Variants in ADAMTS6 observed in about 807,000 individuals in gnomAD.
The protein encoded by ADAMTS6 is ADAM metallopeptidase with thrombospondin type 1 motif 6.
ADAMTS6 carries 23 observed loss-of-function variants against 144.3 expected under a neutral mutation model. The ratio of observed to expected loss-of-function variants is 0.16; its 90% CI spans 0.11 to 0.23. The LOEUF is 0.23. ADAMTS6 is among the 10% of genes least tolerant of loss of function. ADAMTS6 has a pLI of 1.00. For missense variants in ADAMTS6, 999 were observed against 1,379.6 expected (o/e 0.72, Z 4.37); for synonymous variants, 444 against 457.5 (o/e 0.97, Z 0.38).
chr5:65,246,592 A>G (rs1449048032), intron 14 of ADAMTS6, among the ~76,000 whole-genome samples: 5 of 152,138 alleles, frequency 3.3e-5, no homozygotes, highest in Non-Finnish European at 1.5e-5. Flanking sequence ...ATTCAAGTGG[A>G]GAGTGAAAAG....
At chr5:65,406,833 G>A (rs1754555873) in intron 7 of ADAMTS6, among the ~76,000 whole-genome samples, 1 of 151,674 alleles carries the variant, frequency 6.6e-6, no homozygotes, top group African/African-American at 2.4e-5. Context: ...CTAGTTTATT[G>A]AGAGTTTTTA....
chr5:65,291,847 A>T (rs914952937), intron 10 of ADAMTS6, among the ~76,000 whole-genome samples: 4 of 149,842 alleles, frequency 2.7e-5, no homozygotes, highest in African/African-American at 4.9e-5. Flanking sequence ...GCAGAAAATT[A>T]AAAAAAAAAT....
Position 65,215,500 on chromosome 5 carries a change from T to A in ADAMTS6, c.2273-13A>T. 1 of 1,596,060 alleles carries A rather than the reference T, an allele frequency of 6.3e-7. No homozygotes were observed. Among genetic ancestry groups the A allele is most frequent in the Non-Finnish European group, 8.5e-7 (1 of 1,172,730 alleles). On this transcript the variant is annotated splice_polypyrimidine_tract_variant and intron_variant, in intron 18 of 24. Coordinates refer to ENST00000381055, the MANE Select transcript of ADAMTS6 (RefSeq NM_197941.4). ...TCAGATTTTAAAGCTAGAAAACAAA[T>A]CACAATTCACCTAAAAATGTGAAAT...
At chr5:65,358,682 T>C (rs1389778051) in intron 7 of ADAMTS6, among the ~76,000 whole-genome samples, 1 of 152,062 alleles carries the variant, frequency 6.6e-6, no homozygotes, top group Non-Finnish European at 1.5e-5. Flanking sequence ...AACAGATACA[T>C]AGCCCAAGGG....
intron 7 of ADAMTS6, among the ~76,000 whole-genome samples, chr5:65,441,170 G>C (rs1757830893): frequency 6.6e-6 from 1 of 151,956 alleles, no homozygotes; most frequent in African/African-American, 2.4e-5. Flanking sequence ...TAAACCACTA[G>C]AGATGAAAAA....
chr5:65,251,891 G>C (rs891355277), intron 14 of ADAMTS6: 6 of 152,146 alleles, frequency 3.9e-5, no homozygotes, highest in Admixed American at 6.5e-5. Flanking sequence ...AGAGGGATAG[G>C]AGTTAATGGC....
intron 9 of ADAMTS6, among the ~76,000 whole-genome samples, chr5:65,304,448 AGGGGGCCAGGGTCTGGCTCTGTCACC>A (rs1743735865): frequency 6.6e-6 from 1 of 152,130 alleles, no homozygotes; most frequent in Non-Finnish European, 1.5e-5. Context: ...TTTTGGTGCA[AGGGGGCCAGGGTCTGGCTCTGTCACC>A]AAGGCTGGAG....
intron 7 of ADAMTS6, among the ~76,000 whole-genome samples, chr5:65,394,290 C>T (rs1485478775): frequency 2.6e-5 from 4 of 152,146 alleles, no homozygotes; most frequent in South Asian, 2.1e-4. Context: ...CTTGGAAAAA[C>T]CACATTAGGA....
chr5:65,370,485 T>C (rs965842982), intron 7 of ADAMTS6, among the ~76,000 whole-genome samples: 2 of 152,076 alleles, frequency 1.3e-5, no homozygotes, highest in Admixed American at 6.5e-5. Flanking sequence ...GTCAGGGAGT[T>C]CCCTTTCCTA....
chr5:65,273,134 C>T (rs1455805524), intron 12 of ADAMTS6, among the ~76,000 whole-genome samples: 1 of 151,986 alleles, frequency 6.6e-6, no homozygotes, highest in African/African-American at 2.4e-5. Context: ...TGAAACTGAC[C>T]TAAAATAGAC....
At chr5:65,181,103 A>G (rs1754322550) in intron 22 of ADAMTS6, among the ~76,000 whole-genome samples, 1 of 152,218 alleles carries the variant, frequency 6.6e-6, no homozygotes, top group Non-Finnish European at 1.5e-5. Flanking sequence ...TAAATGGTGG[A>G]GCCATTCTAA....
chr5:65,352,979 T>C (rs183626867), intron 7 of ADAMTS6, among the ~76,000 whole-genome samples: 1 of 152,186 alleles, frequency 6.6e-6, no homozygotes, highest in East Asian at 1.9e-4. Context: ...TTGAGCACAA[T>C]GGCCTACATT....
chr5:65,248,180 T>G (rs1561326631), intron 14 of ADAMTS6, among the ~76,000 whole-genome samples: 1 of 152,214 alleles, frequency 6.6e-6, no homozygotes, highest in Non-Finnish European at 1.5e-5. Context: ...AAGTAATTCA[T>G]ACTAGGGCAT....
intron 1 of ADAMTS6, among the ~76,000 whole-genome samples, chr5:65,478,398 A>G (rs2150294651): frequency 6.6e-6 from 1 of 152,330 alleles, no homozygotes; most frequent in African/African-American, 2.4e-5. Context: ...AAACATCATT[A>G]TGTTGTGGAA....
intron 7 of ADAMTS6, among the ~76,000 whole-genome samples, chr5:65,403,216 G>C (rs893113567): frequency 6.6e-6 from 1 of 151,968 alleles, no homozygotes; most frequent in African/African-American, 2.4e-5. Flanking sequence ...TGCTTTTTCT[G>C]TCTGCTTTCT....
chr5:65,151,613 G>T lies in ADAMTS6; in HGVS notation c.*223C>A. 2.2e-6 allele frequency: 1 copy of T among 459,962 alleles called. No homozygotes were observed. The highest frequency in any genetic ancestry group is 3.9e-6 in the Non-Finnish European group (1 of 256,024). 28.5% of individuals were successfully genotyped at this position (459,962 alleles called of 1,614,324 possible). On this transcript the variant is annotated 3_prime_UTR_variant, in exon 25 of 25. Coordinates refer to ENST00000381055, the MANE Select transcript of ADAMTS6 (RefSeq NM_197941.4). ...GTGTTGTTTGGATCTCTCCAATCTG[G>T]CATTCCCTCCTAATACCGTGTCCAG...
At chr5:65,314,364 AC>A (rs1011191278) in intron 9 of ADAMTS6, among the ~76,000 whole-genome samples, 3 of 151,946 alleles carry the variant, frequency 2.0e-5, no homozygotes, top group African/African-American at 4.8e-5. Flanking sequence ...CCACACCCAC[AC>A]CCCAGAATAC....
chr5:65,237,401 A>AG (rs1377341921), intron 15 of ADAMTS6, among the ~76,000 whole-genome samples: 3 of 120,526 alleles, frequency 2.5e-5, no homozygotes, highest in African/African-American at 3.1e-5. Context: ...AAAAAAAAAA[A>AG]AAAAGAAAAC....
intron 7 of ADAMTS6, among the ~76,000 whole-genome samples, chr5:65,378,552 T>C (rs1040894948): frequency 1.3e-5 from 2 of 152,162 alleles, no homozygotes; most frequent in African/African-American, 4.8e-5. Context: ...TAAAAACTCC[T>C]CCAGTTTCAT....
Sources: gnomAD v4.1 joint callset for allele counts (sites outside exome capture counted in the v4.1 genomes callset) on GRCh38, gnomAD v4.1.1 for gene constraint, MANE v1.5 for transcripts, NCBI Gene and HGNC (gene_info 2026-07-23, HGNC 2026-07-21) for gene names.